The following NSUN3 variants were observed in gnomAD, a reference collection of about 807,000 sequenced individuals.
The protein encoded by NSUN3 is NOP2/Sun RNA methyltransferase 3.
A neutral mutation model predicts 36.8 loss-of-function variants in NSUN3; 24 were observed. The observed-to-expected ratio is 0.65, with a 90% CI of 0.47 to 0.92. NSUN3 has a LOEUF of 0.92. NSUN3 is among the 40% of genes least tolerant of loss of function. The probability of loss-of-function intolerance (pLI) is 0.00; values close to 1 mark genes in which losing one functional copy is unlikely to be tolerated. For missense variants in NSUN3, 381 were observed against 392.8 expected (o/e 0.97, Z 0.25); for synonymous variants, 146 against 145.2 (o/e 1.01, Z -0.04).
chr3:94,122,048 G>A (rs1410835924), intron 5 of NSUN3, among the ~76,000 whole-genome samples: 4 of 151,686 alleles, frequency 2.6e-5, no homozygotes, highest in Non-Finnish European at 5.9e-5. Context: ...AGGAGGCTGA[G>A]GCAGGAGAAT....
chr3:94,090,340 ACCAT>A (rs1395122515), intron 3 of NSUN3, among the ~76,000 whole-genome samples: 1 of 152,224 alleles, frequency 6.6e-6, no homozygotes, highest in Non-Finnish European at 1.5e-5. Context: ...CCAACCTAAG[ACCAT>A]TTCAAATAAA....
chr3:94,106,954 T>C (rs2077392197), intron 5 of NSUN3, among the ~76,000 whole-genome samples: 1 of 152,162 alleles, frequency 6.6e-6, no homozygotes, highest in African/African-American at 2.4e-5. Flanking sequence ...TGTTAAATTA[T>C]ATTGTAGCAA....
intron 2 of NSUN3, 93 bp from the exon 3 acceptor site, chr3:94,084,014 A>C (rs1222316729): frequency 6.5e-6 from 6 of 922,750 alleles, no homozygotes; most frequent in Admixed American, 5.1e-5. Flanking sequence ...GTGAAGTGTA[A>C]AACTAGGACC....
chr3:94,077,531 A>G (rs1032150537), intron 2 of NSUN3, among the ~76,000 whole-genome samples: 2 of 152,092 alleles, frequency 1.3e-5, no homozygotes, highest in Non-Finnish European at 2.9e-5. Context: ...TCCTCTTTGT[A>G]CGTTTGGTAG....
intron 1 of NSUN3, 44 bp downstream of exon 1, chr3:94,063,182 G>A: frequency 6.2e-7 from 1 of 1,608,760 alleles, no homozygotes; most frequent in Non-Finnish European, 8.5e-7. Flanking sequence ...TGAATGAGAC[G>A]CTTCTGGACG....
intron 5 of NSUN3, among the ~76,000 whole-genome samples, chr3:94,110,967 A>G (rs2077414255): frequency 6.6e-6 from 1 of 152,100 alleles, no homozygotes. Context: ...GAGTCTGGCC[A>G]TCTACTAATT....
chr3:94,098,776 C>A (rs746401009), intron 5 of NSUN3, among the ~76,000 whole-genome samples: 1 of 152,150 alleles, frequency 6.6e-6, no homozygotes, highest in Non-Finnish European at 1.5e-5. Context: ...CTGGCAAACT[C>A]TACTGATTCT....
chr3:94,110,931 T>C (rs549612379), intron 5 of NSUN3, among the ~76,000 whole-genome samples: 4 of 152,202 alleles, frequency 2.6e-5, no homozygotes, highest in East Asian at 1.9e-4. Flanking sequence ...AGGTTGAAGA[T>C]TGGGCCTGGA....
chr3:94,123,772 A>G (rs2077473802), intron 5 of NSUN3, among the ~76,000 whole-genome samples: 1 of 152,056 alleles, frequency 6.6e-6, no homozygotes, highest in Non-Finnish European at 1.5e-5. Flanking sequence ...CTCTTCTCTC[A>G]GATATCTGCT....
Position 94,084,170 on chromosome 3 carries a change from T to G in NSUN3, c.186T>G (p.Pro62=). The G allele has an allele frequency of 6.2e-7, 1 of 1,614,148 alleles. No individual in the cohort carries two copies. Among genetic ancestry groups the G allele is most frequent in the East Asian group, 2.2e-5 (1 of 44,888 alleles). The part of the protein sequence containing the change: ...YAVLLNRFNY[P]FELEKDLHLK... ...TCCTGCTTAACCGATTCAATTATCC[T>G]TTTGAACTGGAAAAGGATTTACATT... Residue 62 remains proline, a synonymous_variant, in exon 3 of 6, where the codon CCT becomes CCG. Transcript: ENST00000314622.
At chr3:94,080,876 T>G (rs2107244271) in intron 2 of NSUN3, among the ~76,000 whole-genome samples, 1 of 152,280 alleles carries the variant, frequency 6.6e-6, no homozygotes, top group Non-Finnish European at 1.5e-5. Context: ...GCAAGACCAC[T>G]TGGCTTCCTG....
At chr3:94,118,796 G>A (rs1478183871) in intron 5 of NSUN3, among the ~76,000 whole-genome samples, 2 of 150,886 alleles carry the variant, frequency 1.3e-5, no homozygotes, top group African/African-American at 4.9e-5. Flanking sequence ...ATCCTGACTT[G>A]TCTTTTTATG....
At chr3:94,066,124 A>G (rs945957580) in intron 2 of NSUN3, among the ~76,000 whole-genome samples, 2 of 150,744 alleles carry the variant, frequency 1.3e-5, no homozygotes, top group Non-Finnish European at 3.0e-5. Context: ...GGCTACTCAT[A>G]TCCTATAATG....
intron 5 of NSUN3, among the ~76,000 whole-genome samples, chr3:94,098,087 G>GA (rs1162169238): frequency 1.3e-5 from 2 of 152,060 alleles, no homozygotes; most frequent in Non-Finnish European, 1.5e-5. Context: ...AATCAGACTA[G>GA]AAATTCCACC....
rs1187188938 is a variant in NSUN3, at chr3:94,131,555, CT to C, written c.*5067del. Among the ~76,000 whole-genome samples, 3 of 152,188 alleles carry C rather than the reference CT, an allele frequency of 2.0e-5. No homozygotes were observed. Among genetic ancestry groups the C allele is most frequent in the Non-Finnish European group, 4.4e-5 (3 of 68,038 alleles). On this transcript the variant is annotated 3_prime_UTR_variant, in exon 6 of 6. Coordinates refer to ENST00000314622, the MANE Select transcript of NSUN3 (RefSeq NM_022072.5). ...CAGGCCATATTGTAAAGAAGTGTGT[CT>C]TGTGATTTTGATACCCAGAAATCTC...
intron 5 of NSUN3, among the ~76,000 whole-genome samples, chr3:94,100,452 G>T (rs918039733): frequency 6.6e-6 from 1 of 152,160 alleles, no homozygotes; most frequent in Non-Finnish European, 1.5e-5. Context: ...GCATATAAAG[G>T]TGGTTACTGG....
intron 3 of NSUN3, among the ~76,000 whole-genome samples, chr3:94,093,345 A>T (rs1421936284): frequency 6.7e-6 from 1 of 149,328 alleles, no homozygotes; most frequent in Non-Finnish European, 1.5e-5. Flanking sequence ...GTATGTGTAT[A>T]TGTATGTATG....
At chr3:94,089,573 A>G (rs1243382751) in intron 3 of NSUN3, among the ~76,000 whole-genome samples, 1 of 152,164 alleles carries the variant, frequency 6.6e-6, no homozygotes, top group East Asian at 1.9e-4. Context: ...GAGCATGCAT[A>G]CAAGTTTCTA....
At chr3:94,083,206 C>G (rs1318761287) in intron 2 of NSUN3, among the ~76,000 whole-genome samples, 2 of 151,474 alleles carry the variant, frequency 1.3e-5, no homozygotes, top group Non-Finnish European at 2.9e-5. Flanking sequence ...TCAAAAACCT[C>G]AGTAATCATA....
Sources: gnomAD v4.1 joint callset for allele counts (sites outside exome capture counted in the v4.1 genomes callset) on GRCh38, gnomAD v4.1.1 for gene constraint, MANE v1.5 for transcripts, NCBI Gene and HGNC (gene_info 2026-07-23, HGNC 2026-07-21) for gene names.